Variants in NDUFS1 observed in about 807,000 individuals in gnomAD.
The protein encoded by NDUFS1 is NADH-ubiquinone oxidoreductase 75 kDa subunit, mitochondrial.
Under a neutral mutation model 84.4 loss-of-function variants are expected in NDUFS1, and 61 were observed. That is an observed-to-expected ratio of 0.72 (90% CI 0.59 to 0.89). The LOEUF is 0.89. Among genes scored for constraint, NDUFS1 ranks in the 40% least tolerant of loss-of-function variants. NDUFS1 has a pLI of 0.00. For missense variants in NDUFS1, 891 were observed against 890.0 expected, an observed-to-expected ratio of 1.00 and a Z score of -0.01; for synonymous variants, 275 against 290.0, an observed-to-expected ratio of 0.95 and a Z score of 0.53.
At chr2:206,127,726 A>G (rs1349421842) in intron 16 of NDUFS1, 71 bp downstream of exon 16, 31 of 1,524,194 alleles carry the variant, frequency 2.0e-5, no homozygotes, top group African/African-American at 2.7e-5. Flanking sequence ...GACTTTGAAA[A>G]TCATTCTAAC....
intron 1 of NDUFS1, 190 bp downstream of exon 1, chr2:206,159,151 C>T: frequency 2.0e-6 from 3 of 1,535,718 alleles, no homozygotes; most frequent in Non-Finnish European, 2.6e-6. Flanking sequence ...TCTGCTTCAT[C>T]AGACCAGAGA....
intron 13 of NDUFS1, among the ~76,000 whole-genome samples, chr2:206,134,310 C>G (rs1400354051): frequency 1.3e-5 from 2 of 152,102 alleles, no homozygotes; most frequent in Non-Finnish European, 2.9e-5. Flanking sequence ...GGAAGACAAA[C>G]AAGTAATAAA....
At chr2:206,153,196 CTT>C (rs770646674) in intron 2 of NDUFS1, among the ~76,000 whole-genome samples, 4 of 137,978 alleles carry the variant, frequency 2.9e-5, no homozygotes, top group Non-Finnish European at 3.2e-5. Context: ...TTTGTTTCTT[CTT>C]TTTTTTTTTT....
rs754038229 is a variant in NDUFS1, at chr2:206,142,086, T to C, written c.1134-17A>G. The C allele has an allele frequency of 4.5e-6, 7 of 1,566,602 alleles. 2 individuals carry two copies. In the South Asian group the frequency reaches 7.8e-5, roughly 17 times the overall value. On this transcript the variant is annotated splice_polypyrimidine_tract_variant and intron_variant, in intron 11 of 18. Transcript: ENST00000233190. Reference sequence around the variant, plus strand: ...AAATCTGTGCTAGAAATACAATATATAAAATGCAAATTTACTTTAAAATTA... The same window carrying C: ...AAATCTGTGCTAGAAATACAATATACAAAATGCAAATTTACTTTAAAATTA...
At chr2:206,133,843 G>A (rs149466057) in intron 13 of NDUFS1, among the ~76,000 whole-genome samples, 3 of 152,248 alleles carry the variant, frequency 2.0e-5, no homozygotes, top group Non-Finnish European at 4.4e-5. Flanking sequence ...AACCAGGTGC[G>A]GTGTTATGTA....
intron 1 of NDUFS1, among the ~76,000 whole-genome samples, chr2:206,158,360 G>A (rs746515036): frequency 9.9e-5 from 15 of 152,076 alleles, no homozygotes; most frequent in Non-Finnish European, 5.9e-5. Context: ...GCTCTTCCCT[G>A]GCCCCTCCTT....
chr2:206,138,754 C>G (rs954321949), intron 12 of NDUFS1, 140 bp from the exon 13 acceptor site: 2 of 962,578 alleles, frequency 2.1e-6, no homozygotes, highest in Non-Finnish European at 3.2e-6. Flanking sequence ...TGATTTACTA[C>G]GTACCTTTCA....
rs891748908 is a variant in NDUFS1 at position 206,147,569 on chromosome 2, G to A, written c.513C>T (p.Thr171=). Reference sequence around the variant, plus strand: ...TACACTGTATACATCTTGTCATGATGGTCTTTACCAATGGCCCAATGTTCT... The same window carrying A: ...TACACTGTATACATCTTGTCATGATAGTCTTTACCAATGGCCCAATGTTCT... ...EDKNIGPLVK[T]IMTRCIQCTR... is the part of the protein sequence containing the mutation. Residue 171 remains threonine (T), a synonymous_variant, in exon 7 of 19, where the codon ACC becomes ACT. Transcript: ENST00000233190. 6.2e-7 allele frequency: 1 copy of A among 1,614,012 alleles called. No homozygotes were observed. Among genetic ancestry groups the A allele is most frequent in the African/African-American group, 1.3e-5 (1 of 74,916 alleles).
chr2:206,142,170 C>CA, intron 11 of NDUFS1, 101 bp from the exon 12 acceptor site: 2 of 1,019,238 alleles, frequency 2.0e-6, no homozygotes, highest in Non-Finnish European at 2.9e-6. Flanking sequence ...CCTTCTCAAA[C>CA]AAAAAATTTT....
intron 1 of NDUFS1, among the ~76,000 whole-genome samples, chr2:206,154,832 C>T (rs1465180275): frequency 6.6e-6 from 1 of 151,900 alleles, no homozygotes; most frequent in East Asian, 1.9e-4. Context: ...ACCATGTTGG[C>T]CAGGCTGGTC....
chr2:206,139,175 GTTAT>G (rs1222243402), intron 12 of NDUFS1, among the ~76,000 whole-genome samples: 1 of 151,154 alleles, frequency 6.6e-6, no homozygotes, highest in Non-Finnish European at 1.5e-5. Flanking sequence ...AGCTATAAAA[GTTAT>G]TTATTTATTA....
intron 15 of NDUFS1, among the ~76,000 whole-genome samples, chr2:206,129,081 C>T (rs1400137130): frequency 6.6e-6 from 1 of 151,934 alleles, no homozygotes; most frequent in African/African-American, 2.4e-5. Flanking sequence ...AAAAGTTATT[C>T]AGAAAAGAAG....
rs1176490457 is a variant in NDUFS1, at chr2:206,118,211, A to C, written c.*5974T>G. 6.6e-6 allele frequency: 1 copy of C among 152,270 alleles called. No individual in the cohort carries two copies. Among genetic ancestry groups the C allele is most frequent in the East Asian group, 1.9e-4 (1 of 5,202 alleles). The allele number at this position is 152,270 out of a possible 1,614,324, so 9.4% of individuals were successfully genotyped here. A position where few individuals can be genotyped will look rare whatever the true frequency, so the allele number is the denominator to read the frequency against. ...TGGTTTTGAGATCCTTGTTCTCTTA[A>C]AATCTGTGATCTGAAATCTAGTCAG... On this transcript the variant is annotated 3_prime_UTR_variant, in exon 19 of 19. Coordinates refer to ENST00000233190, the MANE Select transcript of NDUFS1 (RefSeq NM_005006.7).
At chr2:206,124,689 A>G (rs956393462) in intron 18 of NDUFS1, among the ~76,000 whole-genome samples, 1 of 152,030 alleles carries the variant, frequency 6.6e-6, no homozygotes, top group Non-Finnish European at 1.5e-5. Flanking sequence ...AATACAAAAA[A>G]TTAGCCAGGT....
Position 206,124,074 on chromosome 2 carries a change from T to C in NDUFS1, c.*111A>G. Reference sequence around the variant, plus strand: ...GCATAGTATAACCTTAAATATTACATGATTCAAATTATTATTATTTTTTTT... The same window carrying C: ...GCATAGTATAACCTTAAATATTACACGATTCAAATTATTATTATTTTTTTT... On this transcript the variant is annotated 3_prime_UTR_variant, in exon 19 of 19. Coordinates refer to ENST00000233190, the MANE Select transcript of NDUFS1 (RefSeq NM_005006.7). 2 of 757,764 alleles carry C rather than the reference T, an allele frequency of 2.6e-6. No homozygotes were observed. Among genetic ancestry groups the C allele is most frequent in the South Asian group, 3.2e-5 (2 of 62,232 alleles). 46.9% of individuals were successfully genotyped at this position (757,764 alleles called of 1,614,324 possible).
chr2:206,126,800 C>A lies in NDUFS1; in HGVS notation c.1929G>T (p.Arg643Ser), dbSNP rs754006684. The change falls in exon 17 of 19, where the codon AGG becomes AGT. Residue 643 changes from arginine to serine, a missense_variant. Physicochemically the swap from Arg to Ser is moderately radical, Grantham distance 110. Transcript: ENST00000233190. ...TLPYDTLDQV[R>S]NRLEEVSPNL... ...TAGGAGAGACTTCTTCCAATCTGTT[C>A]CTTACTTGATCCAGAGTATCATATG... 1.2e-6 allele frequency: 2 copies of A among 1,614,124 alleles called. No homozygotes were observed. Among genetic ancestry groups the A allele is most frequent in the Non-Finnish European group, 1.7e-6 (2 of 1,180,014 alleles).
At chr2:206,152,383 G>C in intron 3 of NDUFS1, 36 bp downstream of exon 3, 11 of 1,528,240 alleles carry the variant, frequency 7.2e-6, no homozygotes, top group Non-Finnish European at 8.2e-6. Context: ...AAAAAAATCA[G>C]AACACACACA....
At chr2:206,142,912 T>C in intron 10 of NDUFS1, 81 bp from the exon 11 acceptor site, 1 of 1,551,942 alleles carries the variant, frequency 6.4e-7, no homozygotes, top group Non-Finnish European at 8.8e-7. Context: ...AATAAAACAG[T>C]ACTTGTTTTC....
intron 18 of NDUFS1, among the ~76,000 whole-genome samples, chr2:206,125,607 A>G (rs2105942256): frequency 6.6e-6 from 1 of 152,086 alleles, no homozygotes; most frequent in East Asian, 1.9e-4. Flanking sequence ...TGTTAAAAAT[A>G]ATTATAGTTA....
Sources: gnomAD v4.1 joint callset for allele counts (sites outside exome capture counted in the v4.1 genomes callset) on GRCh38, gnomAD v4.1.1 for gene constraint, MANE v1.5 for transcripts, NCBI Gene and HGNC (gene_info 2026-07-23, HGNC 2026-07-21) for gene names.